NRG1: variants seen among roughly 807,000 people sequenced by gnomAD.
NRG1 encodes pro-neuregulin-1, membrane-bound isoform.
Under a neutral mutation model 63.8 loss-of-function variants are expected in NRG1, and 18 were observed. That is an observed-to-expected ratio of 0.28 (90% CI 0.19 to 0.42). The LOEUF (loss-of-function observed/expected upper bound fraction) is 0.42, where lower values mean the gene tolerates loss of function less well. NRG1 is among the 10% of genes least tolerant of loss of function. The pLI is 1.00. For synonymous variants in NRG1, 302 were observed against 301.3 expected (o/e 1.00, Z -0.02); for missense variants, 762 against 814.7 (o/e 0.94, Z 0.79).
intron 5 of NRG1, among the ~76,000 whole-genome samples, chr8:32,688,424 A>G (rs192009209): frequency 6.6e-6 from 1 of 152,304 alleles, no homozygotes; most frequent in African/African-American, 2.4e-5. Context: ...CAGCTTTTTA[A>G]AATGGTTATC....
At chr8:32,571,708 ACT>A (rs1838624684) in intron 1 of NRG1, among the ~76,000 whole-genome samples, 1 of 150,894 alleles carries the variant, frequency 6.6e-6, no homozygotes, top group Non-Finnish European at 1.5e-5. Context: ...CTATTTCAAA[ACT>A]CTGTTTCATC....
chr8:32,461,336 C>T (rs183987053), intron 1 of NRG1, among the ~76,000 whole-genome samples: 83 of 152,242 alleles, frequency 5.5e-4, no homozygotes, highest in African/African-American at 1.6e-3. Context: ...CCTTCTAAAA[C>T]GGCCTATTAT....
intron 1 of NRG1, among the ~76,000 whole-genome samples, chr8:32,397,272 G>A (rs1198988495): frequency 6.6e-6 from 1 of 152,126 alleles, no homozygotes; most frequent in East Asian, 1.9e-4. Context: ...CTTGACCAGA[G>A]TGAAAATCTG....
chr8:32,159,555 A>G (rs542292541), intron 1 of NRG1, among the ~76,000 whole-genome samples: 29 of 151,858 alleles, frequency 1.9e-4, no homozygotes, highest in African/African-American at 5.6e-4. Context: ...AAAAAAAAAA[A>G]AAAGAAAAAG....
chr8:31,964,782 G>A (rs372603148), intron 1 of NRG1, among the ~76,000 whole-genome samples: 7 of 152,248 alleles, frequency 4.6e-5, no homozygotes, highest in Middle Eastern at 3.4e-3. Context: ...CTACGAGTTC[G>A]TTTTCTTTAA....
At chr8:32,706,559 GT>G (rs1816471241) in intron 5 of NRG1, among the ~76,000 whole-genome samples, 1 of 151,284 alleles carries the variant, frequency 6.6e-6, no homozygotes, top group Non-Finnish European at 1.5e-5. Context: ...ATAGGTGTGT[GT>G]GTGTGTGTGT....
At chr8:32,753,351 T>TC (rs2129051593) in intron 7 of NRG1, among the ~76,000 whole-genome samples, 1 of 152,256 alleles carries the variant, frequency 6.6e-6, no homozygotes, top group South Asian at 2.1e-4. Flanking sequence ...AATCAACTTA[T>TC]CCCCCAAAGA....
intron 1 of NRG1, among the ~76,000 whole-genome samples, chr8:32,376,073 A>C (rs1419203261): frequency 6.6e-6 from 1 of 152,218 alleles, no homozygotes; most frequent in African/African-American, 2.4e-5. Context: ...TCAATATCTT[A>C]TTTCTTTTCA....
At chr8:31,781,990 G>A (rs781718385) in intron 1 of NRG1, among the ~76,000 whole-genome samples, 4 of 152,040 alleles carry the variant, frequency 2.6e-5, no homozygotes, top group African/African-American at 7.2e-5. Flanking sequence ...CCTGGACTTG[G>A]TCTCTCTCCC....
intron 1 of NRG1, among the ~76,000 whole-genome samples, chr8:32,475,244 A>T (rs144803709): frequency 0.012 from 1,844 of 152,072 alleles, 42 homozygotes; most frequent in African/African-American, 0.042. Flanking sequence ...AGGCAGGAGG[A>T]TCACGAGGTC....
intron 1 of NRG1, among the ~76,000 whole-genome samples, chr8:32,148,168 A>G (rs1368670160): frequency 6.6e-6 from 1 of 152,166 alleles, no homozygotes; most frequent in African/African-American, 2.4e-5. Context: ...TAAGCCTATG[A>G]TACTATAAAT....
chr8:32,222,388 T>G (rs1053481890), intron 1 of NRG1, among the ~76,000 whole-genome samples: 4 of 152,308 alleles, frequency 2.6e-5, no homozygotes, highest in African/African-American at 7.2e-5. Context: ...CAATTGGAAT[T>G]TCTAAAGTTC....
At chr8:32,549,698 C>A (rs183626845) in intron 1 of NRG1, among the ~76,000 whole-genome samples, 1 of 152,096 alleles carries the variant, frequency 6.6e-6, no homozygotes, top group African/African-American at 2.4e-5. Flanking sequence ...CATCAGAACA[C>A]GAGCATGAAC....
intron 1 of NRG1, among the ~76,000 whole-genome samples, chr8:31,924,404 A>G (rs1295507979): frequency 6.6e-6 from 1 of 151,976 alleles, no homozygotes; most frequent in Non-Finnish European, 1.5e-5. Context: ...CTTCATTGAC[A>G]TAAAGTTACT....
At chr8:31,655,509 T>C (rs1053530591) in intron 1 of NRG1, among the ~76,000 whole-genome samples, 2 of 152,094 alleles carry the variant, frequency 1.3e-5, no homozygotes, top group Admixed American at 1.3e-4. Context: ...AGGTGAGGAA[T>C]AGCAGAAAGG....
At chr8:32,503,288 G>GAAAAAAAAAAAA (rs60857610) in intron 1 of NRG1, among the ~76,000 whole-genome samples, 2 of 54,862 alleles carry the variant, frequency 3.6e-5, no homozygotes, top group Non-Finnish European at 6.8e-5. Context: ...CTCTGTCTCA[G>GAAAAAAAAAAAA]AAAAAAAAAA....
At chr8:32,598,161 G>T (rs1224065315) in intron 2 of NRG1, among the ~76,000 whole-genome samples, 1 of 152,112 alleles carries the variant, frequency 6.6e-6, no homozygotes, top group African/African-American at 2.4e-5. Context: ...GGGGTCATAA[G>T]ATTGTACAGA....
At chr8:32,713,223 C>A (rs1042429130) in intron 5 of NRG1, among the ~76,000 whole-genome samples, 1 of 152,114 alleles carries the variant, frequency 6.6e-6, no homozygotes, top group African/African-American at 2.4e-5. Context: ...ATAGGAAACT[C>A]CAGCTTCCCA....
At chr8:32,215,784 G>A (rs902357458) in intron 1 of NRG1, among the ~76,000 whole-genome samples, 4 of 152,158 alleles carry the variant, frequency 2.6e-5, no homozygotes, top group Non-Finnish European at 5.9e-5. Context: ...GCTCACACCT[G>A]TAATCCCAGC....
Sources: gnomAD v4.1 joint callset for allele counts (sites outside exome capture counted in the v4.1 genomes callset) on GRCh38, gnomAD v4.1.1 for gene constraint, MANE v1.5 for transcripts, NCBI Gene and HGNC (gene_info 2026-07-23, HGNC 2026-07-21) for gene names.